TGFA: variants seen among roughly 807,000 people sequenced by gnomAD.
TGFA encodes the protein protransforming growth factor alpha.
Under a neutral mutation model 21.7 loss-of-function variants are expected in TGFA, and 12 were observed. The ratio of observed to expected loss-of-function variants is 0.55; its 90% confidence interval spans 0.35 to 0.90. The LOEUF is 0.90. Ranked by LOEUF, TGFA falls within the 40% of genes least tolerant of loss-of-function variation. The pLI, the probability that TGFA is intolerant of heterozygous loss-of-function variation, is 0.01. For synonymous variants in TGFA, 79 were observed against 88.1 expected (o/e 0.90, Z 0.58); for missense variants, 178 against 210.8 (o/e 0.84, Z 0.96).
chr2:70,508,505 AT>A (rs1188524861), intron 2 of TGFA, among the ~76,000 whole-genome samples: 1 of 152,192 alleles, frequency 6.6e-6, no homozygotes, highest in Non-Finnish European at 1.5e-5. Flanking sequence ...GTCTAGAAAG[AT>A]TTATGGCACT....
intron 2 of TGFA, among the ~76,000 whole-genome samples, chr2:70,489,290 C>T (rs1553497148): frequency 6.6e-6 from 1 of 152,252 alleles, no homozygotes; most frequent in Non-Finnish European, 1.5e-5. Flanking sequence ...TGGCTTCGCT[C>T]AACCTGGAGT....
intron 3 of TGFA, among the ~76,000 whole-genome samples, chr2:70,457,775 C>A (rs947190611): frequency 1.3e-5 from 2 of 152,122 alleles, no homozygotes; most frequent in Admixed American, 6.5e-5. Flanking sequence ...CTCTTGACCT[C>A]AGGTGATCCA....
intron 1 of TGFA, among the ~76,000 whole-genome samples, chr2:70,543,534 A>G (rs1302958162): frequency 2.0e-5 from 3 of 152,010 alleles, no homozygotes; most frequent in Non-Finnish European, 4.4e-5. Context: ...TCAAAAAAAA[A>G]AAAAAGAAAA....
At chr2:70,546,659 T>A (rs538483051) in intron 1 of TGFA, among the ~76,000 whole-genome samples, 1 of 152,094 alleles carries the variant, frequency 6.6e-6, no homozygotes, top group East Asian at 1.9e-4. Flanking sequence ...TTTTCTTTTT[T>A]TTTTGAAGAG....
chr2:70,482,126 A>G (rs1553495676), intron 2 of TGFA, among the ~76,000 whole-genome samples: 1 of 146,930 alleles, frequency 6.8e-6, no homozygotes, highest in East Asian at 2.0e-4. Flanking sequence ...TTTTTTTTTT[A>G]GTGCCTTTCT....
chr2:70,515,304 G>A (rs1327138221), intron 1 of TGFA, among the ~76,000 whole-genome samples: 1 of 152,122 alleles, frequency 6.6e-6, no homozygotes, highest in African/African-American at 2.4e-5. Flanking sequence ...GTGACATTAA[G>A]TACCTTCACC....
At chr2:70,531,209 A>C (rs1290409926) in intron 1 of TGFA, among the ~76,000 whole-genome samples, 1 of 152,226 alleles carries the variant, frequency 6.6e-6, no homozygotes, top group African/African-American at 2.4e-5. Flanking sequence ...GAACGTCCAC[A>C]CAGAGTATGG....
chr2:70,497,886 T>A (rs1008156244), intron 2 of TGFA, among the ~76,000 whole-genome samples: 4 of 152,254 alleles, frequency 2.6e-5, no homozygotes, highest in Non-Finnish European at 5.9e-5. Context: ...GTGTTACAGT[T>A]ATTTACTTGA....
intron 5 of TGFA, among the ~76,000 whole-genome samples, chr2:70,452,181 G>A (rs1670078779): frequency 6.6e-6 from 1 of 152,106 alleles, no homozygotes; most frequent in Admixed American, 6.5e-5. Flanking sequence ...GACACCTCTG[G>A]GTGGATTCGC....
chr2:70,543,994 T>C (rs1673214420), intron 1 of TGFA, among the ~76,000 whole-genome samples: 1 of 152,072 alleles, frequency 6.6e-6, no homozygotes, highest in Non-Finnish European at 1.5e-5. Flanking sequence ...CATAATTGAG[T>C]CAATCAATGT....
Position 70,453,229 on chromosome 2 carries a change from T to C in TGFA, c.464A>G (p.His155Arg). 1.2e-6 allele frequency: 2 copies of C among 1,613,560 alleles called. No homozygotes were observed. Among genetic ancestry groups the C allele is most frequent in the South Asian group, 1.1e-5 (1 of 91,032 alleles). Reference protein sequence around the residue: ...ALLKGRTACCHSETVV With the variant: ...ALLKGRTACCRSETVV Reference sequence around the variant, plus strand: ...AAGAGTCTCCTTACCTGTTTCTGAGTGGCAGCAAGCGGTTCTTCCCTTCAG... The same window carrying C: ...AAGAGTCTCCTTACCTGTTTCTGAGCGGCAGCAAGCGGTTCTTCCCTTCAG... Residue 155 changes from histidine to arginine, a missense_variant, in exon 5 of 6, where the codon CAC becomes CGC. Coordinates refer to ENST00000295400, the MANE Select transcript of TGFA (RefSeq NM_003236.4).
chr2:70,549,527 A>G (rs1376983814), intron 1 of TGFA, among the ~76,000 whole-genome samples: 1 of 152,182 alleles, frequency 6.6e-6, no homozygotes, highest in Non-Finnish European at 1.5e-5. Flanking sequence ...CCAGCCCTCC[A>G]GATCATTCCA....
chr2:70,467,889 G>A (rs1670617920), intron 2 of TGFA, among the ~76,000 whole-genome samples: 2 of 152,196 alleles, frequency 1.3e-5, no homozygotes, highest in Admixed American at 6.5e-5. Context: ...GACACATTGT[G>A]TAGTGGTTAA....
At chr2:70,475,974 G>A (rs1025656798) in intron 2 of TGFA, among the ~76,000 whole-genome samples, 1 of 143,266 alleles carries the variant, frequency 7.0e-6, no homozygotes, top group Non-Finnish European at 1.5e-5. Flanking sequence ...ACTGGACGAA[G>A]ATCACACTCT....
At chr2:70,454,245 G>T (rs1473671462) in intron 4 of TGFA, among the ~76,000 whole-genome samples, 3 of 152,176 alleles carry the variant, frequency 2.0e-5, no homozygotes, top group Admixed American at 2.0e-4. Flanking sequence ...TTCTCTCTTG[G>T]TATCTGGTGG....
At chr2:70,465,056 C>T (rs1262061222) in intron 3 of TGFA, among the ~76,000 whole-genome samples, 3 of 152,198 alleles carry the variant, frequency 2.0e-5, no homozygotes, top group African/African-American at 7.2e-5. Context: ...CTTCGAGAAG[C>T]CCCCCAAGGA....
At chr2:70,479,030 T>C (rs1345368625) in intron 2 of TGFA, among the ~76,000 whole-genome samples, 1 of 152,230 alleles carries the variant, frequency 6.6e-6, no homozygotes, top group Non-Finnish European at 1.5e-5. Context: ...TGTCATCTGA[T>C]TTCATATCCT....
At chr2:70,462,393 A>G (rs1381026738) in intron 3 of TGFA, among the ~76,000 whole-genome samples, 1 of 152,256 alleles carries the variant, frequency 6.6e-6, no homozygotes, top group Non-Finnish European at 1.5e-5. Flanking sequence ...GCAAGCCCCA[A>G]GGGGTCCCAC....
chr2:70,550,821 A>T (rs896537065), intron 1 of TGFA, among the ~76,000 whole-genome samples: 1 of 152,260 alleles, frequency 6.6e-6, no homozygotes, highest in Non-Finnish European at 1.5e-5. Context: ...ACTCCGTCTC[A>T]AAAAACAAAA....
Sources: allele counts gnomAD v4.1 joint callset (sites outside exome capture counted in the v4.1 genomes callset), GRCh38; gene constraint gnomAD v4.1.1; transcripts MANE v1.5; gene names NCBI Gene and HGNC (gene_info 2026-07-23, HGNC 2026-07-21).